SLC39A11: variants seen among roughly 807,000 people sequenced by gnomAD.
SLC39A11 encodes zinc transporter ZIP11.
Under a neutral mutation model 36.1 loss-of-function variants are expected in SLC39A11, and 33 were observed. The observed-to-expected ratio is 0.91, with a 90% CI of 0.69 to 1.22. The LOEUF is 1.22. SLC39A11 is among the 50% of genes most tolerant of loss of function. The probability of loss-of-function intolerance (pLI) is 0.00; values close to 1 mark genes in which losing one functional copy is unlikely to be tolerated. For missense variants in SLC39A11, 432 were observed against 430.3 expected (o/e 1.00, Z -0.03); for synonymous variants, 166 against 170.3 (o/e 0.97, Z 0.20).
intron 7 of SLC39A11, among the ~76,000 whole-genome samples, chr17:72,679,607 T>C (rs1368581907): frequency 6.6e-6 from 1 of 152,090 alleles, no homozygotes; most frequent in Non-Finnish European, 1.5e-5. Flanking sequence ...GGTAAGGAGT[T>C]GAAGACCCAC....
At chr17:72,804,187 G>A (rs554779838) in intron 6 of SLC39A11, among the ~76,000 whole-genome samples, 25 of 152,170 alleles carry the variant, frequency 1.6e-4, no homozygotes, top group Admixed American at 4.6e-4. Flanking sequence ...TAGTAGAGAC[G>A]GGGTTTCACC....
At chr17:72,828,728 C>T (rs532106959) in intron 6 of SLC39A11, among the ~76,000 whole-genome samples, 10 of 152,198 alleles carry the variant, frequency 6.6e-5, no homozygotes, top group Admixed American at 5.2e-4. Context: ...AGGTTGTGTG[C>T]CACGTTTCCA....
At chr17:73,030,853 T>C (rs890436050) in intron 4 of SLC39A11, among the ~76,000 whole-genome samples, 2 of 152,214 alleles carry the variant, frequency 1.3e-5, no homozygotes, top group Non-Finnish European at 2.9e-5. Context: ...CACAGCCACA[T>C]GCCAGGCTGC....
rs186375643 is a variant in SLC39A11 at position 72,728,491 on chromosome 17, T to C, written c.671+8159A>G. Among the ~76,000 whole-genome samples, 6 of 151,850 alleles carry C rather than the reference T, an allele frequency of 4.0e-5. No homozygotes were observed. The East Asian group carries it at 1.0e-3, about 26-fold the overall frequency. ...GGAACAAAGGAACAGGGAGGTCAGA[T>C]AGTAAATATTTTCAGCTTTGCAGAT... On this transcript the variant is annotated intron_variant, in intron 7 of 9. Coordinates refer to ENST00000255559, the MANE Select transcript of SLC39A11 (RefSeq NM_139177.4).
chr17:72,937,765 C>T (rs2084863685), intron 5 of SLC39A11, among the ~76,000 whole-genome samples: 1 of 152,216 alleles, frequency 6.6e-6, no homozygotes, highest in Non-Finnish European at 1.5e-5. Flanking sequence ...AACCAATTCA[C>T]TAAGATTGAC....
intron 6 of SLC39A11, among the ~76,000 whole-genome samples, chr17:72,738,129 C>T (rs902697766): frequency 2.0e-5 from 3 of 152,168 alleles, no homozygotes; most frequent in Admixed American, 1.3e-4. Flanking sequence ...CTCAGCCTCC[C>T]GAGTAGCTGG....
intron 7 of SLC39A11, among the ~76,000 whole-genome samples, chr17:72,714,491 A>T (rs1001019153): frequency 2.0e-5 from 3 of 152,340 alleles, no homozygotes; most frequent in African/African-American, 7.2e-5. Flanking sequence ...GGAAGCAGGT[A>T]AGAAGCGCAG....
intron 5 of SLC39A11, among the ~76,000 whole-genome samples, chr17:72,908,182 C>A (rs377514787): frequency 1.3e-5 from 2 of 152,340 alleles, no homozygotes; most frequent in South Asian, 4.1e-4. Flanking sequence ...CTTCTTTAGC[C>A]AGCGTCCAGG....
Position 72,719,813 on chromosome 17 carries a change from G to A in SLC39A11, c.671+16837C>T, listed in dbSNP as rs112187767. ...CCTGTCGCCAGGGACTTGGGTGGGG[G>A]TGGCTGGGGGCAGTGGCAGAGGAGG... On this transcript the variant is annotated intron_variant, in intron 7 of 9. Transcript: ENST00000255559. Among the ~76,000 whole-genome samples the A allele has an allele frequency of 6.6e-4, 101 of 152,312 alleles. 1 individual carries two copies. Among genetic ancestry groups the A allele is most frequent in the African/African-American group, 2.2e-3 (91 of 41,572 alleles).
At chr17:72,733,852 G>C (rs2074324057) in intron 7 of SLC39A11, among the ~76,000 whole-genome samples, 1 of 152,172 alleles carries the variant, frequency 6.6e-6, no homozygotes, top group South Asian at 2.1e-4. Flanking sequence ...GAACCCCATA[G>C]CAGGCTGTTT....
intron 7 of SLC39A11, among the ~76,000 whole-genome samples, chr17:72,716,981 ATAT>A (rs767053959): frequency 1.5e-4 from 17 of 112,328 alleles, no homozygotes; most frequent in Middle Eastern, 4.6e-3. Context: ...AAAAAAAAAA[ATAT>A]ATATATATAC....
chr17:72,882,185 T>A (rs369217515), intron 5 of SLC39A11, among the ~76,000 whole-genome samples: 67 of 152,096 alleles, frequency 4.4e-4, no homozygotes, highest in African/African-American at 1.6e-3. Flanking sequence ...AAACCTCATC[T>A]CTACTACAAA....
intron 6 of SLC39A11, among the ~76,000 whole-genome samples, chr17:72,767,369 T>C (rs1405465385): frequency 6.6e-6 from 1 of 152,222 alleles, no homozygotes; most frequent in Non-Finnish European, 1.5e-5. Context: ...TGGACAGTGC[T>C]GGGCACCTTC....
In SLC39A11 at chr17:72,649,158, G is replaced by A. The variant is rs201425548; in HGVS notation, c.770+12C>T. ...ATGCTGTGACATGGCCTTGCCCTTG[G>A]GCAGCACTCACCAGAAAGCTCTCCA... On this transcript the variant is annotated intron_variant, in intron 8 of 9. Coordinates refer to ENST00000255559, the MANE Select transcript of SLC39A11 (RefSeq NM_139177.4). 2 of 1,611,642 alleles carry A rather than the reference G, an allele frequency of 1.2e-6. No individual in the cohort carries two copies. The highest frequency in any genetic ancestry group is 2.7e-5 in the African/African-American group (2 of 74,940).
chr17:73,083,034 A>G (rs2144782465), intron 3 of SLC39A11, among the ~76,000 whole-genome samples: 1 of 151,366 alleles, frequency 6.6e-6, no homozygotes, highest in African/African-American at 2.4e-5. Context: ...AAAAAAAAAA[A>G]ATGGACTTAT....
chr17:72,792,462 G>T (rs1393004081), intron 6 of SLC39A11, among the ~76,000 whole-genome samples: 2 of 152,188 alleles, frequency 1.3e-5, no homozygotes, highest in Non-Finnish European at 2.9e-5. Context: ...CCAGAGCCAG[G>T]GAACTCGCAG....
At chr17:72,826,708 G>A (rs2145640472) in intron 6 of SLC39A11, among the ~76,000 whole-genome samples, 1 of 152,230 alleles carries the variant, frequency 6.6e-6, no homozygotes, top group East Asian at 1.9e-4. Context: ...TACTATTGTG[G>A]ACACTTAACT....
intron 6 of SLC39A11, among the ~76,000 whole-genome samples, chr17:72,764,315 C>T (rs2075690195): frequency 6.6e-6 from 1 of 152,116 alleles, no homozygotes; most frequent in Non-Finnish European, 1.5e-5. Flanking sequence ...AAATCCTGGG[C>T]CTTCCTAGCG....
intron 3 of SLC39A11, among the ~76,000 whole-genome samples, chr17:73,070,425 C>T (rs149091304): frequency 7.2e-5 from 11 of 152,156 alleles, no homozygotes. Flanking sequence ...TTCTTTATGT[C>T]CAGAGCTCTT....
Sources: gnomAD v4.1 joint callset for allele counts (sites outside exome capture counted in the v4.1 genomes callset) on GRCh38, gnomAD v4.1.1 for gene constraint, MANE v1.5 for transcripts, NCBI Gene and HGNC (gene_info 2026-07-23, HGNC 2026-07-21) for gene names.